SCN8A: variants seen among roughly 807,000 people sequenced by gnomAD.
The protein encoded by SCN8A is sodium voltage-gated channel alpha subunit 8, also known as sodium channel protein type 8 subunit alpha.
In SCN8A, 30 loss-of-function variants were observed where a neutral mutation model predicts 184.1. The ratio of observed to expected loss-of-function variants is 0.16; its 90% CI spans 0.12 to 0.22. SCN8A has a LOEUF of 0.22. Among genes scored for constraint, SCN8A ranks in the 10% least tolerant of loss-of-function variants. SCN8A has a pLI of 1.00. For missense variants in SCN8A, 1,057 were observed against 2,498.9 expected, an observed-to-expected ratio of 0.42 and a Z score of 12.30; for synonymous variants, 852 against 907.0, an observed-to-expected ratio of 0.94 and a Z score of 1.09.
At chr12:51,762,118 C>T (rs1210499969) in intron 14 of SCN8A, among the ~76,000 whole-genome samples, 1 of 152,130 alleles carries the variant, frequency 6.6e-6, no homozygotes, top group East Asian at 1.9e-4. Flanking sequence ...TTTTTCTAAT[C>T]ATAACGCGAG....
chr12:51,772,691 G>A (rs1942944414), intron 19 of SCN8A, among the ~76,000 whole-genome samples: 1 of 151,612 alleles, frequency 6.6e-6, no homozygotes, highest in African/African-American at 2.4e-5. Context: ...GCCTGTTGAT[G>A]AAAGTGGAGC....
intron 2 of SCN8A, among the ~76,000 whole-genome samples, chr12:51,676,416 G>C (rs1360856938): frequency 1.3e-5 from 2 of 152,174 alleles, no homozygotes; most frequent in East Asian, 3.8e-4. Context: ...GCCTGATATA[G>C]AATCTGTTTA....
At chr12:51,792,357 C>G (rs1325197096) in intron 25 of SCN8A, among the ~76,000 whole-genome samples, 1 of 151,432 alleles carries the variant, frequency 6.6e-6, no homozygotes, top group African/African-American at 2.4e-5. Context: ...GGTAGCATGC[C>G]TGTAGTCCCA....
At position 51,713,142 on chromosome 12, in the gene SCN8A, T is replaced by C. The variant is rs921219806; in HGVS notation, c.1635+6427T>C. On this transcript the variant is annotated intron_variant, in intron 11 of 26. Transcript: ENST00000627620. The stretch of plus-strand genomic sequence containing the variant: ...CACTCTGCCTCTCTTGCATAACTTC[T>C]ATGGTTTCAATCTTGCCATACTTTT... 9 of 1,213,424 alleles carry C rather than the reference T, an allele frequency of 7.4e-6. 1 individual carries two copies. Among genetic ancestry groups the C allele is most frequent in the South Asian group, 7.2e-5 (6 of 83,646 alleles). 75.2% of individuals were successfully genotyped at this position (1,213,424 alleles called of 1,614,324 possible). A position where few individuals can be genotyped will look rare whatever the true frequency, so the allele number is the denominator to read the frequency against.
In SCN8A at chr12:51,808,211, A is replaced by C. The variant is rs1267863465; in HGVS notation, c.*782A>C. The C allele has an allele frequency of 6.5e-6, 1 of 152,686 alleles. No individual in the cohort carries two copies. The highest frequency in any genetic ancestry group is 1.5e-5 in the Non-Finnish European group (1 of 68,122). 9.5% of individuals were successfully genotyped at this position (152,686 alleles called of 1,614,324 possible). A position where few individuals can be genotyped will look rare whatever the true frequency, so the allele number is the denominator to read the frequency against. On this transcript the variant is annotated 3_prime_UTR_variant, in exon 27 of 27. Transcript: ENST00000627620. ...TGCACCGTTCACTGTATTTGGAGAA[A>C]ATGGTAAGAGTTCCATACCGGCTAC... is the stretch of plus-strand genomic sequence containing the variant.
At position 51,614,398 on chromosome 12, in the gene SCN8A, T is replaced by G. The variant is rs145469507; in HGVS notation, c.-55+23039T>G. Among the ~76,000 whole-genome samples the G allele has an allele frequency of 1.1e-4, 17 of 152,274 alleles. No individual in the cohort carries two copies. The East Asian group carries it at 3.3e-3, about 29-fold the overall frequency. ...ACTTTATCTGATATTAATATAATCA[T>G]CCTACCTTTCTGTCGGTTCATATTT... On this transcript the variant is annotated intron_variant, in intron 1 of 26. Transcript: ENST00000627620.
intron 1 of SCN8A, among the ~76,000 whole-genome samples, chr12:51,661,436 C>T (rs1451921423): frequency 6.6e-6 from 1 of 152,134 alleles, no homozygotes; most frequent in Non-Finnish European, 1.5e-5. Flanking sequence ...CAACACTTAG[C>T]AATCACCACT....
chr12:51,761,240 G>A (rs1163967857), intron 14 of SCN8A, among the ~76,000 whole-genome samples: 2 of 151,958 alleles, frequency 1.3e-5, no homozygotes, highest in East Asian at 1.9e-4. Context: ...GGAAGTCATC[G>A]GGAAGTGCAG....
chr12:51,642,180 T>G (rs1228072046), intron 1 of SCN8A, among the ~76,000 whole-genome samples: 1 of 152,194 alleles, frequency 6.6e-6, no homozygotes, highest in Admixed American at 6.5e-5. Flanking sequence ...CCTATTGTTC[T>G]TTTCAGCATG....
rs757990460 is a variant in SCN8A at position 51,780,778 on chromosome 12, T to C, written c.3942+7T>C. 59 of 1,578,502 alleles carry C rather than the reference T, an allele frequency of 3.7e-5. No individual in the cohort carries two copies. The highest frequency in any genetic ancestry group is 1.7e-4 in the Middle Eastern group (1 of 5,968). On this transcript the variant is annotated splice_region_variant and intron_variant, in intron 21 of 26. Coordinates refer to ENST00000627620, the MANE Select transcript of SCN8A (RefSeq NM_001330260.2). ...ACGATTTGAAGGGATGAGGGTAAGA[T>C]ACTAAGAGCAGCTGATCCTTCTGCA...
intron 2 of SCN8A, among the ~76,000 whole-genome samples, chr12:51,667,219 A>G (rs1020832659): frequency 5.9e-5 from 9 of 152,208 alleles, no homozygotes; most frequent in African/African-American, 2.2e-4. Flanking sequence ...TGATAGTAGT[A>G]TCTTCCAGAG....
intron 1 of SCN8A, among the ~76,000 whole-genome samples, chr12:51,636,026 G>A (rs1406692514): frequency 1.3e-5 from 2 of 152,052 alleles, no homozygotes; most frequent in African/African-American, 2.4e-5. Context: ...ACGCAATCTC[G>A]CTCTGTCGCC....
chr12:51,595,345 C>G (rs1245452780), intron 1 of SCN8A, among the ~76,000 whole-genome samples: 2 of 152,080 alleles, frequency 1.3e-5, no homozygotes, highest in Non-Finnish European at 2.9e-5. Context: ...TAAATGCAGT[C>G]AAAAGACAAA....
At position 51,721,883 on chromosome 12, in the gene SCN8A, A is replaced by G; in HGVS notation, c.1973A>G (p.His658Arg). The G allele has an allele frequency of 1.9e-6, 3 of 1,601,248 alleles. No homozygotes were observed. Among genetic ancestry groups the G allele is most frequent in the Non-Finnish European group, 2.5e-6 (3 of 1,179,782 alleles). The change falls in exon 12 of 27, where the codon CAC becomes CGC. Residue 658 changes from histidine to arginine, a missense_variant. Physicochemically the swap from His to Arg is conservative, Grantham distance 29 (BLOSUM62 0). Transcript: ENST00000627620. The part of the protein sequence containing the change: ...VVSLIGGPGS[H>R]IGGRLLPEAT... ...TCCCTCATCGGCGGCCCCGGCTCCC[A>G]CATCGGCGGGCGTCTCCTGCCAGAG...
At chr12:51,795,958 G>A (rs1276595020) in intron 26 of SCN8A, among the ~76,000 whole-genome samples, 1 of 151,926 alleles carries the variant, frequency 6.6e-6, no homozygotes, top group East Asian at 1.9e-4. Context: ...GAGGTGGGAG[G>A]ATTGTTTAAG....
intron 9 of SCN8A, among the ~76,000 whole-genome samples, chr12:51,704,011 G>T (rs1034249315): frequency 1.3e-5 from 2 of 151,898 alleles, no homozygotes; most frequent in Non-Finnish European, 2.9e-5. Context: ...TCCTGCCTCA[G>T]CCTCCCGAGT....
At chr12:51,766,630 A>G (rs992433065) in intron 16 of SCN8A, among the ~76,000 whole-genome samples, 2 of 152,202 alleles carry the variant, frequency 1.3e-5, no homozygotes, top group African/African-American at 4.8e-5. Flanking sequence ...ATAAATGACA[A>G]ATCACTTTAT....
chr12:51,741,851 T>C (rs982750281), intron 12 of SCN8A, among the ~76,000 whole-genome samples: 6 of 152,050 alleles, frequency 3.9e-5, no homozygotes, highest in Admixed American at 1.3e-4. Context: ...ATTACAAGCA[T>C]GTGCCACCAC....
At chr12:51,727,316 A>G (rs1452092039) in intron 12 of SCN8A, among the ~76,000 whole-genome samples, 1 of 152,200 alleles carries the variant, frequency 6.6e-6, no homozygotes, top group Non-Finnish European at 1.5e-5. Flanking sequence ...AATTAAAAAA[A>G]AAATACAAGG....
Sources: allele counts gnomAD v4.1 joint callset (sites outside exome capture counted in the v4.1 genomes callset), GRCh38; gene constraint gnomAD v4.1.1; transcripts MANE v1.5; gene names NCBI Gene and HGNC (gene_info 2026-07-23, HGNC 2026-07-21).